Variants in PDE3B observed in about 807,000 individuals in gnomAD.
PDE3B encodes phosphodiesterase 3B.
A neutral mutation model predicts 116.8 loss-of-function variants in PDE3B; 66 were observed. The observed-to-expected ratio is 0.56, with a 90% CI of 0.46 to 0.69. The LOEUF is 0.69. Ranked by LOEUF, PDE3B falls within the 30% of genes least tolerant of loss-of-function variation. The pLI is 0.00. For synonymous variants in PDE3B, 595 were observed against 533.6 expected, an observed-to-expected ratio of 1.12 and a Z score of -1.59; for missense variants, 1,384 against 1,368.1, an observed-to-expected ratio of 1.01 and a Z score of -0.18.
intron 1 of PDE3B, among the ~76,000 whole-genome samples, chr11:14,653,457 C>A: frequency 6.6e-6 from 1 of 151,828 alleles, no homozygotes; most frequent in East Asian, 1.9e-4. Flanking sequence ...CATCCGCCCT[C>A]GGGAGGCTGA....
At chr11:14,660,729 T>A (rs2133761230) in intron 1 of PDE3B, among the ~76,000 whole-genome samples, 1 of 152,334 alleles carries the variant, frequency 6.6e-6, no homozygotes, top group Middle Eastern at 3.4e-3. Context: ...TTATAATAGC[T>A]GCTTCGGGAG....
intron 4 of PDE3B, among the ~76,000 whole-genome samples, chr11:14,796,542 C>T (rs1044305873): frequency 6.6e-6 from 1 of 152,154 alleles, no homozygotes; most frequent in Non-Finnish European, 1.5e-5. Context: ...TGTTTCCCGA[C>T]TTTTTAATGA....
intron 13 of PDE3B, among the ~76,000 whole-genome samples, chr11:14,860,643 G>A (rs1378178127): frequency 2.0e-5 from 3 of 151,948 alleles, no homozygotes; most frequent in Non-Finnish European, 4.4e-5. Flanking sequence ...AGTTAGATTC[G>A]AATAGGTTAA....
chr11:14,882,586 C>G, the PDE3B span, among the ~76,000 whole-genome samples: 17 of 152,154 alleles, frequency 1.1e-4, 1 homozygote, highest in Non-Finnish European at 4.4e-5. Flanking sequence ...CCCATTCACA[C>G]AGTGGGCTAA....
At chr11:14,740,972 G>T (rs1252464721) in intron 1 of PDE3B, among the ~76,000 whole-genome samples, 1 of 151,588 alleles carries the variant, frequency 6.6e-6, no homozygotes, top group Non-Finnish European at 1.5e-5. Flanking sequence ...GAAACTGTTT[G>T]TTATGATTTC....
intron 5 of PDE3B, among the ~76,000 whole-genome samples, chr11:14,804,402 T>G (rs1180354756): frequency 6.6e-6 from 1 of 152,014 alleles, no homozygotes; most frequent in African/African-American, 2.4e-5. Context: ...GAAAAAAATT[T>G]TAGGATTAGA....
chr11:14,867,452 CAGT>C (rs1590204732), intron 14 of PDE3B, 51 bp from the exon 15 acceptor site: 4 of 1,501,624 alleles, frequency 2.7e-6, no homozygotes, highest in Admixed American at 3.8e-5. Flanking sequence ...CAGCAAAGCT[CAGT>C]GGTGGTTCTT....
At chr11:14,655,221 C>T (rs1260850311) in intron 1 of PDE3B, among the ~76,000 whole-genome samples, 14 of 152,018 alleles carry the variant, frequency 9.2e-5, no homozygotes, top group Admixed American at 9.2e-4. Flanking sequence ...TGGGAAAACA[C>T]TTTGCTAGAG....
chr11:14,837,260 CTTAATT>C (rs1324540123), intron 11 of PDE3B, among the ~76,000 whole-genome samples: 1 of 152,202 alleles, frequency 6.6e-6, no homozygotes, highest in African/African-American at 2.4e-5. Context: ...CAGTGACTCT[CTTAATT>C]TTAGTCTCTC....
intron 2 of PDE3B, chr11:14,772,204 CAA>C (rs1274149913): frequency 3.9e-6 from 1 of 256,508 alleles, no homozygotes; most frequent in Non-Finnish European, 7.4e-6. Flanking sequence ...ATGATAAAAA[CAA>C]AATTTATATA....
At chr11:14,740,289 G>T (rs771390787) in intron 1 of PDE3B, among the ~76,000 whole-genome samples, 13 of 152,092 alleles carry the variant, frequency 8.5e-5, no homozygotes, top group Non-Finnish European at 1.9e-4. Flanking sequence ...ACTTGTTATT[G>T]GTCTATTCAA....
intron 1 of PDE3B, among the ~76,000 whole-genome samples, chr11:14,704,860 C>G (rs540774529): frequency 5.1e-4 from 77 of 151,612 alleles, no homozygotes; most frequent in African/African-American, 1.8e-3. Context: ...AATTCATAAA[C>G]TGGACCTTGT....
chr11:14,788,105 AC>A (rs1858266272), intron 3 of PDE3B, among the ~76,000 whole-genome samples: 1 of 151,908 alleles, frequency 6.6e-6, no homozygotes, highest in Non-Finnish European at 1.5e-5. Flanking sequence ...TCATATAAGA[AC>A]CAGGAAGTAA....
At chr11:14,685,446 C>CTTTTTTTTTTTT (rs71044017) in intron 1 of PDE3B, among the ~76,000 whole-genome samples, 2 of 86,334 alleles carry the variant, frequency 2.3e-5, no homozygotes, top group African/African-American at 3.6e-5. Flanking sequence ...TTTTTCTCAT[C>CTTTTTTTTTTTT]TTTTTTTTTT....
chr11:14,829,831 C>T (rs1267237569), intron 7 of PDE3B, among the ~76,000 whole-genome samples: 1 of 152,092 alleles, frequency 6.6e-6, no homozygotes. Flanking sequence ...ACATGTACCC[C>T]TGAACCTAAG....
At chr11:14,719,087 G>A (rs1476976657) in intron 1 of PDE3B, among the ~76,000 whole-genome samples, 4 of 69,436 alleles carry the variant, frequency 5.8e-5, no homozygotes, top group African/African-American at 1.8e-4. Flanking sequence ...TGATAAAGGG[G>A]ATATCACCAC....
At chr11:14,819,089 A>T in intron 6 of PDE3B, 47 bp from the exon 7 acceptor site, 1 of 1,161,972 alleles carries the variant, frequency 8.6e-7, no homozygotes, top group South Asian at 1.4e-5. Flanking sequence ...CAGGTAAAAA[A>T]CTTGTACCTC....
chr11:14,723,795 TTTA>T (rs1430417066), intron 1 of PDE3B, among the ~76,000 whole-genome samples: 1 of 151,844 alleles, frequency 6.6e-6, no homozygotes, highest in Non-Finnish European at 1.5e-5. Flanking sequence ...AAAGCAAGTT[TTTA>T]TTGTTGAAGA....
At chr11:14,879,251 G>T in the PDE3B span, 1 of 1,613,192 alleles carries the variant, frequency 6.2e-7, no homozygotes. Flanking sequence ...AATTACTGTT[G>T]TGCCTTTAGG....
Sources: allele counts gnomAD v4.1 joint callset (sites outside exome capture counted in the v4.1 genomes callset), GRCh38; gene constraint gnomAD v4.1.1; transcripts MANE v1.5; gene names NCBI Gene and HGNC (gene_info 2026-07-23, HGNC 2026-07-21).